Variants in SGCZ observed in about 807,000 individuals in gnomAD.
The protein encoded by SGCZ is zeta-sarcoglycan.
In SGCZ, 40 loss-of-function variants were observed where a neutral mutation model predicts 41.3. The observed-to-expected ratio is 0.97, with a 90% CI of 0.75 to 1.26. The LOEUF is 1.26. Among genes scored for constraint, SGCZ ranks in the 50% most tolerant of loss-of-function variants. The probability of loss-of-function intolerance (pLI) is 0.00; values close to 1 mark genes in which losing one functional copy is unlikely to be tolerated. For missense variants in SGCZ, 552 were observed against 369.8 expected (o/e 1.49, Z -4.04); for synonymous variants, 206 against 137.5 (o/e 1.50, Z -3.49).
intron 3 of SGCZ, among the ~76,000 whole-genome samples, chr8:14,252,487 T>C (rs929811795): frequency 1.3e-5 from 2 of 152,164 alleles, no homozygotes; most frequent in Admixed American, 6.5e-5. Context: ...AATAATTGTT[T>C]CTGTTAAATT....
At position 14,085,642 on chromosome 8, in the gene SGCZ, C is replaced by A. The variant is rs1801502047; in HGVS notation, c.*4801G>T. Among the ~76,000 whole-genome samples, 1 of 151,758 alleles carries A rather than the reference C, an allele frequency of 6.6e-6. No homozygotes were observed. On this transcript the variant is annotated 3_prime_UTR_variant, in exon 8 of 8. Transcript: ENST00000382080. ...TCAGCAAGCAGTGAAAGTTGAAACTCAGCTGAGGAGATCCATGCTGGGCCC... is the reference window on the plus strand; with the variant it reads ...TCAGCAAGCAGTGAAAGTTGAAACTAAGCTGAGGAGATCCATGCTGGGCCC...
intron 1 of SGCZ, among the ~76,000 whole-genome samples, chr8:15,171,915 T>A (rs1240893412): frequency 1.3e-5 from 2 of 152,144 alleles, no homozygotes; most frequent in East Asian, 3.9e-4. Context: ...CAGAGGTCAC[T>A]GACAGCCAAG....
chr8:14,341,850 C>T (rs1802720981), intron 2 of SGCZ, among the ~76,000 whole-genome samples: 1 of 152,198 alleles, frequency 6.6e-6, no homozygotes, highest in South Asian at 2.1e-4. Flanking sequence ...ATTCTGAAGC[C>T]TCCCAACTAT....
At position 15,095,436 on chromosome 8, in the gene SGCZ, A is replaced by C. The variant is rs145172241; in HGVS notation, c.39+142149T>G. Among the ~76,000 whole-genome samples, 30 of 152,280 alleles carry C rather than the reference A, an allele frequency of 2.0e-4. No individual in the cohort carries two copies. In the East Asian group the frequency reaches 5.8e-3, roughly 29 times the overall value. On this transcript the variant is annotated intron_variant, in intron 1 of 7. Coordinates refer to ENST00000382080, the MANE Select transcript of SGCZ (RefSeq NM_139167.4). ...TAACTGGATAACATTTCATCTATGCATTTCAGATGCATAGTTTCTTTTTGT... is the reference window on the plus strand; with the variant it reads ...TAACTGGATAACATTTCATCTATGCCTTTCAGATGCATAGTTTCTTTTTGT...
chr8:14,355,292 C>A (rs1401592763), intron 2 of SGCZ, among the ~76,000 whole-genome samples: 2 of 152,016 alleles, frequency 1.3e-5, no homozygotes, highest in Non-Finnish European at 2.9e-5. Context: ...TTTAAAAACT[C>A]AAAGTCTATA....
chr8:15,123,523 T>C (rs180795207), intron 1 of SGCZ, among the ~76,000 whole-genome samples: 6 of 152,238 alleles, frequency 3.9e-5, no homozygotes, highest in African/African-American at 1.4e-4. Flanking sequence ...CATTTTACAG[T>C]TGAGGAAATG....
At chr8:15,225,911 A>G (rs1243680131) in intron 1 of SGCZ, among the ~76,000 whole-genome samples, 1 of 152,138 alleles carries the variant, frequency 6.6e-6, no homozygotes, top group Non-Finnish European at 1.5e-5. Flanking sequence ...CTTTAGTTAG[A>G]TTTTGCAATC....
intron 1 of SGCZ, among the ~76,000 whole-genome samples, chr8:14,565,494 C>T (rs1804331290): frequency 6.6e-6 from 1 of 151,870 alleles, no homozygotes; most frequent in South Asian, 2.1e-4. Context: ...AGAGATAAAA[C>T]AACAAAGACA....
chr8:14,664,177 A>G (rs1366544416), intron 1 of SGCZ, among the ~76,000 whole-genome samples: 3 of 152,186 alleles, frequency 2.0e-5, no homozygotes, highest in Non-Finnish European at 4.4e-5. Context: ...TAAGACACTC[A>G]TCTTTTAAAT....
chr8:14,242,652 T>C (rs1359930754), intron 3 of SGCZ, among the ~76,000 whole-genome samples: 1 of 152,182 alleles, frequency 6.6e-6, no homozygotes, highest in Non-Finnish European at 1.5e-5. Context: ...AACTATAGTA[T>C]TTTACTACTA....
chr8:15,015,726 C>CGTGTGTGTGT (rs60624490), intron 1 of SGCZ, among the ~76,000 whole-genome samples: 3 of 125,146 alleles, frequency 2.4e-5, no homozygotes, highest in South Asian at 3.0e-4. Flanking sequence ...GAAATATACA[C>CGTGTGTGTGT]GTGTGTGTGT....
intron 2 of SGCZ, among the ~76,000 whole-genome samples, chr8:14,351,128 C>T (rs930200527): frequency 3.9e-5 from 6 of 152,050 alleles, no homozygotes; most frequent in Non-Finnish European, 7.4e-5. Flanking sequence ...TGCTGTTACT[C>T]TGAAACCCAG....
intron 3 of SGCZ, among the ~76,000 whole-genome samples, chr8:14,262,787 CCAGT>C (rs1252769132): frequency 6.7e-6 from 1 of 149,568 alleles, no homozygotes; most frequent in Non-Finnish European, 1.5e-5. Flanking sequence ...GATGCAAATC[CCAGT>C]CAAACAAAGT....
At chr8:14,362,883 A>C (rs560074140) in intron 2 of SGCZ, among the ~76,000 whole-genome samples, 1 of 152,352 alleles carries the variant, frequency 6.6e-6, no homozygotes, top group African/African-American at 2.4e-5. Flanking sequence ...ATATATGCAA[A>C]TATAGTATTA....
intron 4 of SGCZ, among the ~76,000 whole-genome samples, chr8:14,216,687 C>T (rs1355237162): frequency 6.6e-6 from 1 of 151,880 alleles, no homozygotes; most frequent in African/African-American, 2.4e-5. Context: ...ATGTTCAACA[C>T]CCATTTGTGA....
At chr8:15,188,582 A>T (rs1217435166) in intron 1 of SGCZ, among the ~76,000 whole-genome samples, 1 of 152,158 alleles carries the variant, frequency 6.6e-6, no homozygotes, top group Non-Finnish European at 1.5e-5. Context: ...CTCTCTAAAT[A>T]CTAAAAACAT....
intron 1 of SGCZ, among the ~76,000 whole-genome samples, chr8:15,138,170 T>A (rs1014722248): frequency 2.6e-5 from 4 of 152,224 alleles, no homozygotes; most frequent in African/African-American, 4.8e-5. Flanking sequence ...GCACGCAGCC[T>A]GTAGCCCCTT....
At chr8:14,793,453 T>TA (rs1477582099) in intron 1 of SGCZ, among the ~76,000 whole-genome samples, 1 of 152,036 alleles carries the variant, frequency 6.6e-6, no homozygotes. Flanking sequence ...AAATAAACAA[T>TA]AAAAAATTAT....
chr8:14,862,710 T>A (rs1803797364), intron 1 of SGCZ, among the ~76,000 whole-genome samples: 2 of 151,356 alleles, frequency 1.3e-5, no homozygotes, highest in Middle Eastern at 6.8e-3. Flanking sequence ...TTAGAAGAAA[T>A]AATGTAGTGA....
Sources: allele counts gnomAD v4.1 joint callset (sites outside exome capture counted in the v4.1 genomes callset), GRCh38; gene constraint gnomAD v4.1.1; transcripts MANE v1.5; gene names NCBI Gene and HGNC (gene_info 2026-07-23, HGNC 2026-07-21).